The following MCC variants were observed in gnomAD, a reference collection of about 807,000 sequenced individuals.
MCC encodes MCC regulator of Wnt signaling pathway.
Under a neutral mutation model 116.2 loss-of-function variants are expected in MCC, and 90 were observed. The observed-to-expected ratio is 0.77, with a 90% confidence interval of 0.65 to 0.92. MCC has a LOEUF of 0.92. Among genes scored for constraint, MCC ranks in the 40% least tolerant of loss-of-function variants. The pLI is 0.00. For synonymous variants in MCC, 578 were observed against 510.5 expected, an observed-to-expected ratio of 1.13 and a Z score of -1.78; for missense variants, 1,516 against 1,312.2, an observed-to-expected ratio of 1.16 and a Z score of -2.40.
chr5:113,206,573 G>A (rs2150321472), intron 3 of MCC, among the ~76,000 whole-genome samples: 1 of 152,248 alleles, frequency 6.6e-6, no homozygotes. Flanking sequence ...GCCAGGCATG[G>A]TGGTTCATGC....
At chr5:113,163,252 G>T (rs11955699) in intron 3 of MCC, among the ~76,000 whole-genome samples, 82,379 of 152,096 alleles carry the variant, frequency 0.54, 24,630 homozygotes, top group Non-Finnish European at 0.66. Context: ...GGAAGTTATT[G>T]TAAGCAAGGA....
chr5:113,370,737 A>G (rs930079857), intron 2 of MCC, among the ~76,000 whole-genome samples: 1 of 152,114 alleles, frequency 6.6e-6, no homozygotes, highest in African/African-American at 2.4e-5. Context: ...AAGCAAAACC[A>G]TTTTCCAGCA....
chr5:113,099,534 T>C (rs1161088836), intron 8 of MCC, among the ~76,000 whole-genome samples: 1 of 152,254 alleles, frequency 6.6e-6, no homozygotes, highest in African/African-American at 2.4e-5. Flanking sequence ...GCCTAACCAC[T>C]TTACGAGTAT....
intron 2 of MCC, among the ~76,000 whole-genome samples, chr5:113,349,860 C>G (rs1220592806): frequency 6.6e-6 from 1 of 151,918 alleles, no homozygotes; most frequent in Non-Finnish European, 1.5e-5. Context: ...GATACAAAAT[C>G]AACATACAAA....
intron 1 of MCC, among the ~76,000 whole-genome samples, chr5:113,416,172 C>G (rs1258382434): frequency 1.3e-5 from 2 of 152,166 alleles, no homozygotes; most frequent in Non-Finnish European, 2.9e-5. Flanking sequence ...CAGAGCTGTT[C>G]CTATTCGGCC....
intron 15 of MCC, 73 bp from the exon 16 acceptor site, chr5:113,049,372 T>G (rs28662260): frequency 1.5e-6 from 2 of 1,338,062 alleles, no homozygotes; most frequent in Non-Finnish European, 2.0e-6. Flanking sequence ...GCCAAGTGGG[T>G]GGGTGGGGGG....
chr5:113,238,275 GT>G (rs199649212), intron 3 of MCC, among the ~76,000 whole-genome samples: 2 of 151,792 alleles, frequency 1.3e-5, no homozygotes, highest in East Asian at 3.9e-4. Flanking sequence ...ATTTTTTCCT[GT>G]TTTTTTTAAT....
chr5:113,284,413 G>A (rs1313579364), intron 3 of MCC, among the ~76,000 whole-genome samples: 2 of 152,158 alleles, frequency 1.3e-5, no homozygotes, highest in African/African-American at 2.4e-5. Context: ...CTGTAATAAT[G>A]TTGTATCTAG....
intron 17 of MCC, among the ~76,000 whole-genome samples, chr5:113,031,566 T>G (rs973040875): frequency 1.3e-5 from 2 of 152,036 alleles, no homozygotes; most frequent in Non-Finnish European, 2.9e-5. Flanking sequence ...ATTCTAATGT[T>G]GATTAATAGT....
chr5:113,132,370 G>GTATATA (rs564083445), intron 5 of MCC, among the ~76,000 whole-genome samples: 13 of 125,882 alleles, frequency 1.0e-4, no homozygotes, highest in African/African-American at 3.9e-4. Flanking sequence ...GTGTGTGTGT[G>GTATATA]TGTATATATA....
At position 113,027,236 on chromosome 5, in the gene MCC, C is replaced by G. The variant is rs1580866299; in HGVS notation, c.*66G>C. On this transcript the variant is annotated 3_prime_UTR_variant, in exon 19 of 19. Transcript: ENST00000408903. ...CCTCCTCCCAACAAGTACATGGGCC[C>G]TTCTGTCCCCAGTGGCCTGCTGCAG... 15 of 1,549,298 alleles carry G rather than the reference C, an allele frequency of 9.7e-6. No individual in the cohort carries two copies. The East Asian group carries it at 3.4e-4, about 35-fold the overall frequency.
At chr5:113,433,734 GCTCACTGGGCC>G in intron 1 of MCC, 1 of 1,608,758 alleles carries the variant, frequency 6.2e-7, no homozygotes, top group Non-Finnish European at 8.5e-7. Flanking sequence ...GCCGCAAGAA[GCTCACTGGGCC>G]CGCGTCTCTG....
intron 6 of MCC, among the ~76,000 whole-genome samples, chr5:113,117,804 T>C (rs530064541): frequency 3.3e-5 from 5 of 152,350 alleles, no homozygotes; most frequent in African/African-American, 4.8e-5. Flanking sequence ...CCCAGAATCA[T>C]TGGGTCCAAG....
chr5:113,479,524 T>C (rs186203573), intron 1 of MCC, among the ~76,000 whole-genome samples: 1 of 152,220 alleles, frequency 6.6e-6, no homozygotes, highest in East Asian at 1.9e-4. Context: ...GCTTCACTTG[T>C]ATGTGAATGT....
At chr5:113,389,256 C>T (rs1039320335) in intron 1 of MCC, among the ~76,000 whole-genome samples, 1 of 152,204 alleles carries the variant, frequency 6.6e-6, no homozygotes, top group Non-Finnish European at 1.5e-5. Context: ...CCTTCAATGA[C>T]GTACAGTCCC....
At chr5:113,184,027 T>C (rs984169683) in intron 3 of MCC, among the ~76,000 whole-genome samples, 4 of 151,264 alleles carry the variant, frequency 2.6e-5, no homozygotes, top group Non-Finnish European at 5.9e-5. Context: ...GATGCCAAAA[T>C]CAATTTTTAT....
chr5:113,372,092 C>T (rs12516418), intron 2 of MCC, among the ~76,000 whole-genome samples: 28,426 of 152,078 alleles, frequency 0.19, 3,175 homozygotes, highest in Admixed American at 0.31. Flanking sequence ...AATAGATGAA[C>T]AATTTCATTG....
intron 12 of MCC, among the ~76,000 whole-genome samples, chr5:113,069,868 G>A (rs960556133): frequency 1.3e-5 from 2 of 152,224 alleles, no homozygotes; most frequent in African/African-American, 2.4e-5. Context: ...TTCCAGGCGT[G>A]AGCCACCGCG....
At chr5:113,168,413 C>G (rs1760887600) in intron 3 of MCC, among the ~76,000 whole-genome samples, 1 of 152,194 alleles carries the variant, frequency 6.6e-6, no homozygotes, top group African/African-American at 2.4e-5. Flanking sequence ...TATACTTGCA[C>G]TTCTTTCCCC....
Sources: allele counts gnomAD v4.1 joint callset (sites outside exome capture counted in the v4.1 genomes callset), GRCh38; gene constraint gnomAD v4.1.1; transcripts MANE v1.5; gene names NCBI Gene and HGNC (gene_info 2026-07-23, HGNC 2026-07-21).